Variants in ZFC3H1 observed in about 807,000 individuals in gnomAD.
The protein encoded by ZFC3H1 is zinc finger C3H1 domain-containing protein.
In ZFC3H1, 71 loss-of-function variants were observed where a neutral mutation model predicts 243.7. That is an observed-to-expected ratio of 0.29 (90% CI 0.24 to 0.36). The LOEUF (loss-of-function observed/expected upper bound fraction) is 0.36, where lower values mean the gene tolerates loss of function less well. ZFC3H1 is among the 10% of genes least tolerant of loss of function. The pLI is 1.00. For synonymous variants in ZFC3H1, 838 were observed against 813.0 expected (o/e 1.03, Z -0.52); for missense variants, 1,966 against 2,317.1 (o/e 0.85, Z 3.11).
intron 3 of ZFC3H1, among the ~76,000 whole-genome samples, chr12:71,645,889 T>C (rs1240969827): frequency 2.0e-5 from 3 of 152,216 alleles, no homozygotes; most frequent in East Asian, 1.9e-4. Flanking sequence ...TTAGAGTCCA[T>C]GGACTTTAAT....
chr12:71,626,243 T>G lies in ZFC3H1; in HGVS notation c.4317+17A>C, dbSNP rs563215321. ...ACACACACACACACACACACGTACGTTATCTTTTCTACTCACAGTCCAAAA... is the reference window on the plus strand; with the variant it reads ...ACACACACACACACACACACGTACGGTATCTTTTCTACTCACAGTCCAAAA... On this transcript the variant is annotated intron_variant, in intron 22 of 34. Coordinates refer to ENST00000378743, the MANE Select transcript of ZFC3H1 (RefSeq NM_144982.5). 1 of 1,601,974 alleles carries G rather than the reference T, an allele frequency of 6.2e-7. No individual in the cohort carries two copies. The highest frequency in any genetic ancestry group is 1.1e-5 in the South Asian group (1 of 90,588).
chr12:71,617,406 T>A (rs1429970370), intron 27 of ZFC3H1, among the ~76,000 whole-genome samples: 1 of 152,240 alleles, frequency 6.6e-6, no homozygotes, highest in African/African-American at 2.4e-5. Context: ...GAATTATGAC[T>A]ATTTCCACAA....
chr12:71,661,545 C>A (rs1227843135), intron 1 of ZFC3H1, among the ~76,000 whole-genome samples: 1 of 144,006 alleles, frequency 6.9e-6, no homozygotes, highest in Non-Finnish European at 1.5e-5. Context: ...TGCAGTGGTG[C>A]AATCTCTGCT....
chr12:71,633,269 C>T lies in ZFC3H1; in HGVS notation c.2680G>A (p.Glu894Lys). 1 of 1,577,230 alleles carries T rather than the reference C, an allele frequency of 6.3e-7. No individual in the cohort carries two copies. The highest frequency in any genetic ancestry group is 8.6e-7 in the Non-Finnish European group (1 of 1,167,428). ...CAGTATTTTAAAATAATTACTTGTT[C>T]CTGAAGCTTCTTCAAAAACATTCTG... ...VNRMFLKKLQ[E>K]QIHRVQQRVT... The change falls in exon 13 of 35, where the codon GAA (glutamate) becomes AAA (lysine). Residue 894 changes from glutamate to lysine, a missense_variant. Physicochemically the swap from Glu to Lys is moderately conservative, Grantham distance 56. This residue lies in a region of ZFC3H1 where 1,383 missense variants were observed against 1,723.7 expected (regional missense o/e 0.80). Coordinates refer to ENST00000378743, the MANE Select transcript of ZFC3H1 (RefSeq NM_144982.5).
chr12:71,613,988 A>G (rs541065185), intron 30 of ZFC3H1, among the ~76,000 whole-genome samples: 76 of 152,304 alleles, frequency 5.0e-4, no homozygotes, highest in African/African-American at 1.8e-3. Context: ...GTCTGAAAAA[A>G]AATTTTTTTA....
chr12:71,610,417 G>T lies in ZFC3H1; in HGVS notation c.*11C>A. On this transcript the variant is annotated 3_prime_UTR_variant, in exon 35 of 35. Transcript: ENST00000378743. ...TTATTATAAGGACTTAGAACTGACTGCACCCAGTGTTCAGTGATTCTTGCT... is the reference window on the plus strand; with the variant it reads ...TTATTATAAGGACTTAGAACTGACTTCACCCAGTGTTCAGTGATTCTTGCT... The T allele has an allele frequency of 1.2e-6, 2 of 1,611,626 alleles. No individual in the cohort carries two copies. The highest frequency in any genetic ancestry group is 1.7e-6 in the Non-Finnish European group (2 of 1,178,784).
intron 21 of ZFC3H1, 70 bp from the exon 22 acceptor site, chr12:71,626,516 A>T: frequency 7.7e-7 from 1 of 1,302,810 alleles, no homozygotes; most frequent in African/African-American, 1.5e-5. Flanking sequence ...GGGCTAATCC[A>T]ATGAGTCAAT....
Position 71,619,955 on chromosome 12 carries a change from A to C in ZFC3H1, c.5020T>G (p.Tyr1674Asp). 1 of 1,597,864 alleles carries C rather than the reference A, an allele frequency of 6.3e-7. No individual in the cohort carries two copies. Among genetic ancestry groups the C allele is most frequent in the Non-Finnish European group, 8.5e-7 (1 of 1,170,400 alleles). Residue 1674 changes from tyrosine to aspartate, a missense_variant, in exon 26 of 35, where the codon TAT (tyrosine) becomes GAT (aspartate). By Grantham distance (160) the Tyr-to-Asp change is radical. Coordinates refer to ENST00000378743, the MANE Select transcript of ZFC3H1 (RefSeq NM_144982.5). ...AAGATGAAGAATTTGCACATATGAT[A>C]AAAAACCTCTGCATTCTGAGGATTT... Reference protein sequence around the residue: ...EKNPQNAEVFYHMCKFFILQN... With the variant: ...EKNPQNAEVFDHMCKFFILQN...
chr12:71,636,826 T>A, intron 8 of ZFC3H1, 24 bp downstream of exon 8: 1 of 1,611,376 alleles, frequency 6.2e-7, no homozygotes, highest in South Asian at 1.1e-5. Flanking sequence ...GAGCACCACC[T>A]AGAGGTTTAG....
rs1565799450 is a variant in ZFC3H1, at chr12:71,611,688, T to TAC, written c.5729+97_5729+98insGT. The TAC allele has an allele frequency of 8.7e-5, 17 of 196,204 alleles. No homozygotes were observed. In the South Asian group the frequency reaches 9.0e-4, roughly 10 times the overall value. The allele number at this position is 196,204 out of a possible 1,614,324, so 12.2% of individuals were successfully genotyped here. On this transcript the variant is annotated intron_variant, in intron 32 of 34. Transcript: ENST00000378743. ...AAAAAAAAAAAAAAATATATATATA[T>TAC]ATATATATATAGATGTCATTTCAGA... is the stretch of plus-strand genomic sequence containing the variant.
At chr12:71,661,785 C>T (rs992758930) in intron 1 of ZFC3H1, among the ~76,000 whole-genome samples, 5 of 152,160 alleles carry the variant, frequency 3.3e-5, no homozygotes, top group Admixed American at 1.3e-4. Context: ...CTGGCGCCTA[C>T]ATGATTTTCT....
chr12:71,656,746 G>A, intron 2 of ZFC3H1, 139 bp downstream of exon 2: 1 of 847,690 alleles, frequency 1.2e-6, no homozygotes. Flanking sequence ...ATTATTCAAT[G>A]ATATGAATGT....
At chr12:71,631,067 A>T (rs1880310203) in intron 16 of ZFC3H1, 113 bp from the exon 17 acceptor site, 15 of 1,115,038 alleles carry the variant, frequency 1.3e-5, no homozygotes, top group Non-Finnish European at 1.8e-5. Flanking sequence ...ACTATTTATG[A>T]GCTATTTATC....
At position 71,623,630 on chromosome 12, in the gene ZFC3H1, A is replaced by G. The variant is rs753772580; in HGVS notation, c.4507-33T>C. The G allele has an allele frequency of 6.8e-6, 10 of 1,474,192 alleles. No homozygotes were observed. In the South Asian group the frequency reaches 1.3e-4, roughly 19 times the overall value. 91.3% of individuals were successfully genotyped at this position (1,474,192 alleles called of 1,614,324 possible). ...AAATTTAAAATTTTTTGATAAAAAA[A>G]TTAGAGATGTCAGTACCAGATTAAC... On this transcript the variant is annotated intron_variant, in intron 23 of 34. Coordinates refer to ENST00000378743, the MANE Select transcript of ZFC3H1 (RefSeq NM_144982.5).
chr12:71,639,024 A>G (rs1426915649), intron 6 of ZFC3H1, among the ~76,000 whole-genome samples: 1 of 152,104 alleles, frequency 6.6e-6, no homozygotes, highest in African/African-American at 2.4e-5. Flanking sequence ...GAGAAGAATT[A>G]CTTAGTGTAT....
chr12:71,611,757 T>TA, intron 32 of ZFC3H1, 29 bp downstream of exon 32: 1 of 1,517,642 alleles, frequency 6.6e-7, no homozygotes, highest in Non-Finnish European at 9.1e-7. Context: ...GCAATAGCTA[T>TA]AAAAACATGT....
Position 71,610,374 on chromosome 12 carries a change from T to C in ZFC3H1, c.*54A>G. 2 of 1,581,890 alleles carry C rather than the reference T, an allele frequency of 1.3e-6. No homozygotes were observed. Among genetic ancestry groups the C allele is most frequent in the Non-Finnish European group, 1.7e-6 (2 of 1,163,516 alleles). ...GGATCAGCCTAATCTTGAAGAATCATTCAAATAATTTTGGCAATTATTATA... is the reference window on the plus strand; with the variant it reads ...GGATCAGCCTAATCTTGAAGAATCACTCAAATAATTTTGGCAATTATTATA... On this transcript the variant is annotated 3_prime_UTR_variant, in exon 35 of 35. Coordinates refer to ENST00000378743, the MANE Select transcript of ZFC3H1 (RefSeq NM_144982.5).
chr12:71,619,984 T>C lies in ZFC3H1; in HGVS notation c.4991A>G (p.Glu1664Gly). 1 of 1,606,040 alleles carries C rather than the reference T, an allele frequency of 6.2e-7. No homozygotes were observed. Among genetic ancestry groups the C allele is most frequent in the Non-Finnish European group, 8.5e-7 (1 of 1,174,748 alleles). The change falls in exon 26 of 35, where the codon GAA (glutamate) becomes GGA (glycine). Residue 1664 changes from glutamate to glycine, a missense_variant. Physicochemically the swap from Glu to Gly is moderately conservative, Grantham distance 98. Coordinates refer to ENST00000378743, the MANE Select transcript of ZFC3H1 (RefSeq NM_144982.5). ...KARAVWLTAF[E>G]KNPQNAEVFY... Reference sequence around the variant, plus strand: ...AACCTCTGCATTCTGAGGATTTTTTTCAAATGCAGTAAGCCACACTGCTCT... The same window carrying C: ...AACCTCTGCATTCTGAGGATTTTTTCCAAATGCAGTAAGCCACACTGCTCT...
In ZFC3H1 at chr12:71,632,242, A is replaced by G. The variant is rs767800263; in HGVS notation, c.3090T>C (p.Asp1030=). ...AACCAGACAAAATTTCATCATCAAC[A>G]TCATTTTCTTCAGTGTCCAGGGTTA... ...DKLTLDTEEN[D]VDDEILSGSS... The change falls in exon 15 of 35, where the codon GAT becomes GAC. Residue 1030 remains aspartate (D), a synonymous_variant. Coordinates refer to ENST00000378743, the MANE Select transcript of ZFC3H1 (RefSeq NM_144982.5). 1 of 1,611,822 alleles carries G rather than the reference A, an allele frequency of 6.2e-7. No individual in the cohort carries two copies. Among genetic ancestry groups the G allele is most frequent in the Non-Finnish European group, 8.5e-7 (1 of 1,179,296 alleles).
Sources: gnomAD v4.1 joint callset for allele counts (sites outside exome capture counted in the v4.1 genomes callset) on GRCh38, gnomAD v4.1.1 for gene constraint, gnomAD v4.1.1 regional missense constraint, MANE v1.5 for transcripts, NCBI Gene and HGNC (gene_info 2026-07-23, HGNC 2026-07-21) for gene names.